Variants in CASTOR2 observed in about 807,000 individuals in gnomAD.
CASTOR2 encodes cytosolic arginine sensor for mTORC1 subunit 2, also known as GATS protein like 2.
In CASTOR2, 8 loss-of-function variants were observed where a neutral mutation model predicts 31.2. The ratio of observed to expected loss-of-function variants is 0.26; its 90% CI spans 0.15 to 0.46. CASTOR2 has a LOEUF of 0.46. Among genes scored for constraint, CASTOR2 ranks in the 20% least tolerant of loss-of-function variants. CASTOR2 has a pLI of 0.99. For missense variants in CASTOR2, 216 were observed against 382.1 expected (o/e 0.57, Z 3.62); for synonymous variants, 162 against 158.7 (o/e 1.02, Z -0.16).
intron 2 of CASTOR2, among the ~76,000 whole-genome samples, chr7:75,015,751 G>A (rs1452259254): frequency 1.3e-5 from 2 of 148,712 alleles, no homozygotes; most frequent in Admixed American, 6.7e-5. Context: ...TTTCTGGACC[G>A]TTGAGTGTAC....
rs1253775977 is a variant in CASTOR2, at chr7:75,029,707, C to G, written c.*5008C>G. On this transcript the variant is annotated 3_prime_UTR_variant, in exon 9 of 9. Coordinates refer to ENST00000616305, the MANE Select transcript of CASTOR2 (RefSeq NM_001145064.3). ...TGCATGGGGATGGGAAGAAGCACCC[C>G]CAACCTTCTAGTCCGCTCCGAGCAG... Among the ~76,000 whole-genome samples the G allele has an allele frequency of 6.6e-6, 1 of 152,150 alleles. No homozygotes were observed. The highest frequency in any genetic ancestry group is 1.9e-4 in the East Asian group (1 of 5,178).
chr7:75,031,008 A>C lies in CASTOR2; in HGVS notation c.*6309A>C, dbSNP rs1805286492. Among the ~76,000 whole-genome samples the C allele has an allele frequency of 1.3e-5, 2 of 152,360 alleles. No homozygotes were observed. Among genetic ancestry groups the C allele is most frequent in the Admixed American group, 1.3e-4 (2 of 15,308 alleles). Reference sequence around the variant, plus strand: ...GCAGGCCAAGTTCAGGTCCCAAGACAGGCCAAGGCCAGTGCGGTTTCCCTT... The same window carrying C: ...GCAGGCCAAGTTCAGGTCCCAAGACCGGCCAAGGCCAGTGCGGTTTCCCTT... On this transcript the variant is annotated 3_prime_UTR_variant, in exon 9 of 9. Coordinates refer to ENST00000616305, the MANE Select transcript of CASTOR2 (RefSeq NM_001145064.3).
intron 1 of CASTOR2, among the ~76,000 whole-genome samples, chr7:75,003,763 AAACAAC>A (rs1287439516): frequency 6.6e-6 from 1 of 151,776 alleles, no homozygotes; most frequent in Non-Finnish European, 1.5e-5. Flanking sequence ...AAAAAACAGA[AAACAAC>A]AACAACAAGG....
intron 7 of CASTOR2, among the ~76,000 whole-genome samples, chr7:75,023,169 G>A (rs977108948): frequency 1.3e-5 from 2 of 151,860 alleles, no homozygotes; most frequent in Non-Finnish European, 2.9e-5. Flanking sequence ...TTAGCCGGTC[G>A]TGGTGGCAGG....
intron 2 of CASTOR2, 139 bp from the exon 3 acceptor site, chr7:75,017,459 A>G: frequency 9.3e-7 from 1 of 1,078,138 alleles, no homozygotes; most frequent in Non-Finnish European, 1.4e-6. Flanking sequence ...AAAAAAAAAA[A>G]TCCTGTTGGA....
Position 75,007,887 on chromosome 7 carries a change from C to T in CASTOR2, c.114-107C>T, listed in dbSNP as rs1554438922. On this transcript the variant is annotated intron_variant, in intron 1 of 8. Transcript: ENST00000616305. Reference sequence around the variant, plus strand: ...CGCGGTCACCCCAGCAGCCTGGGGCCGGAACTCTGGGTGAACTGAGTCATC... The same window carrying T: ...CGCGGTCACCCCAGCAGCCTGGGGCTGGAACTCTGGGTGAACTGAGTCATC... The T allele has an allele frequency of 6.2e-3, 9,521 of 1,543,718 alleles. 478 individuals are homozygous for T. In the African/African-American group the frequency reaches 0.11, roughly 18 times the overall value.
rs1805093372 is a variant in CASTOR2 at position 75,025,175 on chromosome 7, C to T, written c.*476C>T. On this transcript the variant is annotated 3_prime_UTR_variant, in exon 9 of 9. Coordinates refer to ENST00000616305, the MANE Select transcript of CASTOR2 (RefSeq NM_001145064.3). Reference sequence around the variant, plus strand: ...TGAGTACTGTGGTCACTGGTCTCTGCTTCCATCAGCTCAGGGCTGGTTCCC... The same window carrying T: ...TGAGTACTGTGGTCACTGGTCTCTGTTTCCATCAGCTCAGGGCTGGTTCCC... 6.6e-6 allele frequency among the ~76,000 whole-genome samples: 1 copy of T among 152,220 alleles called. No homozygotes were observed. The highest frequency in any genetic ancestry group is 1.9e-4 in the East Asian group (1 of 5,200).
rs1554440884 is a variant in CASTOR2 at position 75,026,189 on chromosome 7, G to GGTTTTTTTTTTTTTTTT, written c.*1490_*1491insGTTTTTTTTTTTTTTTT. On this transcript the variant is annotated 3_prime_UTR_variant, in exon 9 of 9. Transcript: ENST00000616305. ...CCCTGTGGTTTTGGCTCTGGCGGGGGTTTTTTTTTTTTTTTTTGAGATGGG... is the reference window on the plus strand; with the variant it reads ...CCCTGTGGTTTTGGCTCTGGCGGGGGGTTTTTTTTTTTTTTTTTTTTTTTTTTTTTTTTTGAGATGGG... Among the ~76,000 whole-genome samples the GGTTTTTTTTTTTTTTTT allele has an allele frequency of 6.8e-5, 8 of 117,742 alleles. No homozygotes were observed. Among genetic ancestry groups the GGTTTTTTTTTTTTTTTT allele is most frequent in the Non-Finnish European group, 1.1e-4 (6 of 56,722 alleles). 77.2% of individuals were successfully genotyped at this position (117,742 alleles called of 152,430 possible). A position where few individuals can be genotyped will look rare whatever the true frequency, so the allele number is the denominator to read the frequency against.
In CASTOR2 at chr7:75,023,177, A is replaced by G. The variant is rs943704532; in HGVS notation, c.829+1221A>G. On this transcript the variant is annotated intron_variant, in intron 7 of 8. Transcript: ENST00000616305. ...CAAAAAATTAGCCGGTCGTGGTGGC[A>G]GGCGCCTGTAGTCCCAGCTACTTGG... 1.7e-3 allele frequency among the ~76,000 whole-genome samples: 263 copies of G among 151,816 alleles called. 1 individual carries two copies. The highest frequency in any genetic ancestry group is 2.9e-3 in the Non-Finnish European group (196 of 67,912).
Position 75,020,035 on chromosome 7 carries a change from CCA to C in CASTOR2, c.636-3_636-2del. On this transcript the variant is annotated splice_acceptor_variant and splice_polypyrimidine_tract_variant and intron_variant, in intron 5 of 8. Coordinates refer to ENST00000616305, the MANE Select transcript of CASTOR2 (RefSeq NM_001145064.3). LOFTEE classifies it high-confidence loss of function. The stretch of plus-strand genomic sequence containing the variant: ...CATCTTTACCAGCTGCCTCTGGTCC[CCA>C]GAGTGAAGGACCCCATGGCCACTGG... 6.4e-7 allele frequency: 1 copy of C among 1,551,276 alleles called. No homozygotes were observed. Among genetic ancestry groups the C allele is most frequent in the East Asian group, 2.4e-5 (1 of 40,916 alleles).
chr7:75,013,452 G>T (rs1240341491), intron 2 of CASTOR2, among the ~76,000 whole-genome samples: 1 of 148,266 alleles, frequency 6.7e-6, no homozygotes, highest in African/African-American at 2.6e-5. Context: ...CAAGCAGGTT[G>T]GGCAACATGG....
intron 1 of CASTOR2, among the ~76,000 whole-genome samples, chr7:74,990,159 C>T (rs782111370): frequency 0.038 from 5,752 of 151,812 alleles, 159 homozygotes; most frequent in Middle Eastern, 0.11. Context: ...GAGGCCGAGG[C>T]GGGCAGATCA....
In CASTOR2 at chr7:75,030,981, C is replaced by T. The variant is rs1386566509; in HGVS notation, c.*6282C>T. Among the ~76,000 whole-genome samples the T allele has an allele frequency of 6.6e-6, 1 of 152,206 alleles. No individual in the cohort carries two copies. The highest frequency in any genetic ancestry group is 2.4e-5 in the African/African-American group (1 of 41,442). The stretch of plus-strand genomic sequence containing the variant: ...CAAACTTTGGAGGTGGCAGGGTGAA[C>T]AGCAGGCCAAGTTCAGGTCCCAAGA... On this transcript the variant is annotated 3_prime_UTR_variant, in exon 9 of 9. Transcript: ENST00000616305.
At chr7:75,003,005 G>A (rs1159755164) in intron 1 of CASTOR2, among the ~76,000 whole-genome samples, 55 of 152,276 alleles carry the variant, frequency 3.6e-4, no homozygotes, top group African/African-American at 1.3e-3. Flanking sequence ...GGCCTGCAAG[G>A]GGGTGCTGTG....
chr7:75,001,070 C>G (rs1804483258), intron 1 of CASTOR2, among the ~76,000 whole-genome samples: 2 of 151,992 alleles, frequency 1.3e-5, no homozygotes. Context: ...AGGAATCAAG[C>G]CTGCATCTTT....
intron 1 of CASTOR2, among the ~76,000 whole-genome samples, chr7:74,988,527 G>A (rs1222375063): frequency 2.6e-5 from 4 of 152,042 alleles, no homozygotes; most frequent in Non-Finnish European, 5.9e-5. Flanking sequence ...TTGATTTCCT[G>A]ACCTCTTGTT....
intron 1 of CASTOR2, among the ~76,000 whole-genome samples, chr7:74,986,085 AC>A (rs1804057902): frequency 6.6e-6 from 1 of 151,682 alleles, no homozygotes; most frequent in African/African-American, 2.4e-5. Flanking sequence ...GCACCACCAA[AC>A]CCAGCTAATT....
intron 1 of CASTOR2, among the ~76,000 whole-genome samples, chr7:74,993,008 G>A (rs1554437533): frequency 6.6e-6 from 1 of 151,624 alleles, no homozygotes; most frequent in African/African-American, 2.4e-5. Flanking sequence ...AGACTATCCT[G>A]GCCAACATGG....
At position 75,018,986 on chromosome 7, in the gene CASTOR2, A is replaced by G. The variant is rs1396247694; in HGVS notation, c.526A>G (p.Ile176Val). Residue 176 changes from isoleucine to valine, a missense_variant, in exon 5 of 9, where the codon ATC (isoleucine) becomes GTC (valine). Physicochemically the swap from Ile to Val is conservative, Grantham distance 29. Around this residue, in one of 5 missense-constraint regions of CASTOR2, gnomAD observed 114 missense variants for 194.2 expected, o/e 0.59. Transcript: ENST00000616305. Reference protein sequence around the residue: ...VKPKLVQRPVIHPLSSPSNRF... With the variant: ...VKPKLVQRPVVHPLSSPSNRF... ...TGCTCTTACAGTCCAGAGGCCAGTC[A>G]TCCACCCACTGTCCAGCCCGAGCAA... 2.6e-6 allele frequency: 4 copies of G among 1,551,888 alleles called. No individual in the cohort carries two copies. The African/African-American group carries it at 4.1e-5, about 16-fold the overall frequency.
Sources: allele counts gnomAD v4.1 joint callset (sites outside exome capture counted in the v4.1 genomes callset), GRCh38; gene constraint gnomAD v4.1.1; regional missense constraint gnomAD v4.1.1; transcripts MANE v1.5; gene names NCBI Gene and HGNC (gene_info 2026-07-23, HGNC 2026-07-21).